Variants in COL21A1 observed in about 807,000 individuals in gnomAD.
The protein encoded by COL21A1 is collagen type XXI alpha 1 chain, also known as collagen alpha-1(XXI) chain.
A neutral mutation model predicts 137.9 loss-of-function variants in COL21A1; 149 were observed. The observed-to-expected ratio is 1.08, with a 90% confidence interval of 0.95 to 1.24. COL21A1 has a LOEUF of 1.24. Among genes scored for constraint, COL21A1 ranks in the 50% most tolerant of loss-of-function variants. The pLI, the probability that COL21A1 is intolerant of heterozygous loss-of-function variation, is 0.00. For missense variants in COL21A1, 1,167 were observed against 1,158.4 expected, an observed-to-expected ratio of 1.01 and a Z score of -0.11; for synonymous variants, 456 against 391.5, an observed-to-expected ratio of 1.16 and a Z score of -1.95.
At chr6:56,280,458 C>T (rs1321296757) in intron 1 of COL21A1, among the ~76,000 whole-genome samples, 1 of 152,166 alleles carries the variant, frequency 6.6e-6, no homozygotes, top group Non-Finnish European at 1.5e-5. Flanking sequence ...CAGCCAAGCA[C>T]TGACCTGGCC....
intron 1 of COL21A1, among the ~76,000 whole-genome samples, chr6:56,330,864 C>T (rs914968908): frequency 7.2e-5 from 11 of 152,124 alleles, no homozygotes; most frequent in African/African-American, 1.7e-4. Context: ...TTTAGATCTT[C>T]GAGAAATCTC....
At chr6:56,109,780 T>TGGACAAATTCACTGAAAG (rs1344718999) in intron 16 of COL21A1, among the ~76,000 whole-genome samples, 1 of 151,994 alleles carries the variant, frequency 6.6e-6, no homozygotes, top group Non-Finnish European at 1.5e-5. Flanking sequence ...TTAAATGATA[T>TGGACAAATTCACTGAAAG]GGACAAATTC....
intron 1 of COL21A1, among the ~76,000 whole-genome samples, chr6:56,343,243 A>G (rs1765510260): frequency 6.6e-6 from 1 of 152,046 alleles, no homozygotes. Context: ...GGTCTTTGAA[A>G]AGATCCACAA....
At chr6:56,082,363 A>G (rs1767864871) in intron 17 of COL21A1, among the ~76,000 whole-genome samples, 1 of 152,000 alleles carries the variant, frequency 6.6e-6, no homozygotes, top group Non-Finnish European at 1.5e-5. Context: ...ATGTATAGAC[A>G]TATGTAAAAC....
intron 17 of COL21A1, among the ~76,000 whole-genome samples, chr6:56,081,961 G>A (rs1767811551): frequency 6.6e-6 from 1 of 151,828 alleles, no homozygotes; most frequent in African/African-American, 2.4e-5. Context: ...AGATATCATA[G>A]GAAGGAAAAG....
intron 3 of COL21A1, among the ~76,000 whole-genome samples, chr6:56,171,921 G>A (rs1777093169): frequency 6.6e-6 from 1 of 151,514 alleles, no homozygotes; most frequent in Non-Finnish European, 1.5e-5. Context: ...ACAAGCAGAG[G>A]GAAAAGAATC....
intron 13 of COL21A1, 143 bp downstream of exon 13, chr6:56,125,953 C>A: frequency 1.9e-6 from 1 of 537,098 alleles, no homozygotes. Flanking sequence ...TTTATATAAA[C>A]TAATATTAAT....
At chr6:56,287,279 C>G (rs1763936550) in intron 1 of COL21A1, among the ~76,000 whole-genome samples, 2 of 152,110 alleles carry the variant, frequency 1.3e-5, no homozygotes, top group South Asian at 4.1e-4. Context: ...ATAATGGCTC[C>G]CCAAAAATGT....
chr6:56,081,319 A>C (rs1767745300), intron 17 of COL21A1, among the ~76,000 whole-genome samples: 1 of 150,866 alleles, frequency 6.6e-6, no homozygotes, highest in Non-Finnish European at 1.5e-5. Flanking sequence ...CATTATATGT[A>C]GGATGATGCT....
At chr6:56,079,982 G>A (rs1767608626) in intron 17 of COL21A1, among the ~76,000 whole-genome samples, 1 of 151,534 alleles carries the variant, frequency 6.6e-6, no homozygotes, top group Admixed American at 6.6e-5. Context: ...TGAGGGAGAG[G>A]TTAACCAGGG....
At chr6:56,065,238 A>G (rs1766139396) in intron 23 of COL21A1, among the ~76,000 whole-genome samples, 1 of 152,088 alleles carries the variant, frequency 6.6e-6, no homozygotes, top group African/African-American at 2.4e-5. Context: ...TGCGCAAAAT[A>G]ATTAGCAGTT....
intron 1 of COL21A1, among the ~76,000 whole-genome samples, chr6:56,342,268 T>C (rs967228374): frequency 5.9e-5 from 9 of 152,364 alleles, no homozygotes; most frequent in East Asian, 3.9e-4. Context: ...TCTGGACATG[T>C]ATATACATGG....
chr6:56,137,476 T>C (rs549685675), intron 12 of COL21A1, among the ~76,000 whole-genome samples: 1 of 152,308 alleles, frequency 6.6e-6, no homozygotes, highest in African/African-American at 2.4e-5. Context: ...GAAACTATTT[T>C]AATCCACTAA....
At chr6:56,238,732 A>G (rs1460424125) in intron 1 of COL21A1, among the ~76,000 whole-genome samples, 1 of 152,138 alleles carries the variant, frequency 6.6e-6, no homozygotes, top group Non-Finnish European at 1.5e-5. Context: ...TAATGGCTAA[A>G]ATCTGGATTT....
chr6:56,126,187 A>G (rs1773039458), intron 12 of COL21A1, 38 bp from the exon 13 acceptor site: 3 of 1,351,454 alleles, frequency 2.2e-6, no homozygotes, highest in African/African-American at 2.9e-5. Flanking sequence ...AAGAAAAACC[A>G]TTCCAGCCTA....
At chr6:56,360,063 G>T (rs1765930004) in intron 1 of COL21A1, among the ~76,000 whole-genome samples, 1 of 152,180 alleles carries the variant, frequency 6.6e-6, no homozygotes, top group African/African-American at 2.4e-5. Context: ...TTGAAGCACT[G>T]ATTCTTTTTC....
chr6:56,277,801 G>C (rs1763703134), intron 1 of COL21A1, among the ~76,000 whole-genome samples: 1 of 152,136 alleles, frequency 6.6e-6, no homozygotes, highest in Non-Finnish European at 1.5e-5. Flanking sequence ...GTTAGTAATA[G>C]TTGGTGAATT....
At chr6:56,283,560 G>A (rs1324503302) in intron 1 of COL21A1, among the ~76,000 whole-genome samples, 1 of 152,074 alleles carries the variant, frequency 6.6e-6, no homozygotes, top group Admixed American at 6.5e-5. Context: ...CAATGAATAT[G>A]TACTGTTTTT....
At chr6:56,112,598 A>G (rs1450339769) in intron 16 of COL21A1, among the ~76,000 whole-genome samples, 1 of 152,050 alleles carries the variant, frequency 6.6e-6, no homozygotes, top group Non-Finnish European at 1.5e-5. Flanking sequence ...CACTGAAACC[A>G]GTGCTCTCCT....
Sources: allele counts gnomAD v4.1 joint callset (sites outside exome capture counted in the v4.1 genomes callset), GRCh38; gene constraint gnomAD v4.1.1; transcripts MANE v1.5; gene names NCBI Gene and HGNC (gene_info 2026-07-23, HGNC 2026-07-21).